Variants in BBX observed in about 807,000 individuals in gnomAD.
BBX encodes the protein BBX high mobility group box domain containing, also known as HMG box transcription factor BBX.
BBX carries 30 observed loss-of-function variants against 100.2 expected under a neutral mutation model. That is an observed-to-expected ratio of 0.30 (90% CI 0.22 to 0.41). BBX has a LOEUF of 0.41. Among genes scored for constraint, BBX ranks in the 10% least tolerant of loss-of-function variants. The pLI is 1.00. For synonymous variants in BBX, 376 were observed against 388.1 expected (o/e 0.97, Z 0.37); for missense variants, 1,023 against 1,129.8 (o/e 0.91, Z 1.35).
In BBX at chr3:107,684,169, T is replaced by C. The variant is rs142081461; in HGVS notation, c.-9-26283T>C. Among the ~76,000 whole-genome samples the C allele has an allele frequency of 1.6e-3, 244 of 152,282 alleles. 2 individuals carry two copies. In the Middle Eastern group the frequency reaches 0.024, roughly 15 times the overall value. On this transcript the variant is annotated intron_variant, in intron 3 of 17. Transcript: ENST00000325805. ...GTAAGAAACTATTTTTTAACAAATA[T>C]TATAATGTGGTTGCTATTTATCTTC...
intron 2 of BBX, among the ~76,000 whole-genome samples, chr3:107,557,213 C>G (rs2050150426): frequency 6.6e-6 from 1 of 152,118 alleles, no homozygotes; most frequent in Non-Finnish European, 1.5e-5. Context: ...GGAATATTTT[C>G]TCTTTTTCAT....
intron 17 of BBX, among the ~76,000 whole-genome samples, chr3:107,804,764 T>C (rs531702046): frequency 6.6e-6 from 1 of 152,174 alleles, no homozygotes; most frequent in South Asian, 2.1e-4. Context: ...CTAAACACTC[T>C]CTGTCCATGT....
intron 13 of BBX, among the ~76,000 whole-genome samples, chr3:107,779,183 T>C (rs1218307768): frequency 6.6e-6 from 1 of 151,532 alleles, no homozygotes; most frequent in African/African-American, 2.4e-5. Flanking sequence ...TCAGTGACAA[T>C]GCTGCAGTCC....
intron 2 of BBX, among the ~76,000 whole-genome samples, chr3:107,597,861 T>C (rs1045878234): frequency 6.6e-6 from 1 of 152,134 alleles, no homozygotes; most frequent in Non-Finnish European, 1.5e-5. Flanking sequence ...TTGTTTTGTT[T>C]TGTTTTTGGT....
intron 3 of BBX, among the ~76,000 whole-genome samples, chr3:107,652,320 A>T (rs575772543): frequency 9.2e-5 from 14 of 152,222 alleles, no homozygotes; most frequent in Non-Finnish European, 1.9e-4. Context: ...AAAAGGAAAC[A>T]AACCTTTTAG....
intron 3 of BBX, among the ~76,000 whole-genome samples, chr3:107,659,315 C>T (rs923433054): frequency 6.6e-6 from 1 of 151,844 alleles, no homozygotes; most frequent in Admixed American, 6.6e-5. Flanking sequence ...ATTTTTGATG[C>T]ATCTGAACAT....
intron 10 of BBX, among the ~76,000 whole-genome samples, chr3:107,762,219 G>T (rs865991021): frequency 6.6e-6 from 1 of 152,134 alleles, no homozygotes; most frequent in Non-Finnish European, 1.5e-5. Context: ...TTTAGTAGAT[G>T]GGCTTATGGA....
chr3:107,696,845 T>C (rs1261425205), intron 3 of BBX, among the ~76,000 whole-genome samples: 20 of 151,550 alleles, frequency 1.3e-4, no homozygotes, highest in African/African-American at 4.4e-4. Flanking sequence ...CAATCAGACA[T>C]AGATTTGGTC....
At chr3:107,665,625 T>TA (rs1352398884) in intron 3 of BBX, among the ~76,000 whole-genome samples, 2 of 152,152 alleles carry the variant, frequency 1.3e-5, no homozygotes, top group African/African-American at 2.4e-5. Context: ...TGTTCTAGTA[T>TA]AAAAAATGCC....
intron 9 of BBX, among the ~76,000 whole-genome samples, chr3:107,750,102 T>C (rs2064961328): frequency 6.6e-6 from 1 of 152,198 alleles, no homozygotes; most frequent in South Asian, 2.1e-4. Context: ...CTCCGTACAC[T>C]AATTCTTGAA....
intron 12 of BBX, among the ~76,000 whole-genome samples, chr3:107,777,552 T>C (rs1576760131): frequency 6.6e-6 from 1 of 152,178 alleles, no homozygotes; most frequent in South Asian, 2.1e-4. Context: ...CATGTTAGTT[T>C]AATAAGTCTC....
chr3:107,616,409 T>A (rs1219744730), intron 2 of BBX, among the ~76,000 whole-genome samples: 1 of 152,174 alleles, frequency 6.6e-6, no homozygotes, highest in Non-Finnish European at 1.5e-5. Flanking sequence ...CAGATTCTTA[T>A]AATAGGTGCA....
At chr3:107,610,167 A>C (rs1022089489) in intron 2 of BBX, among the ~76,000 whole-genome samples, 1 of 152,056 alleles carries the variant, frequency 6.6e-6, no homozygotes, top group African/African-American at 2.4e-5. Context: ...TTTAATTTCC[A>C]TGTGTTTAAG....
rs549529798 is a variant in BBX at position 107,696,698 on chromosome 3, G to A, written c.-9-13754G>A. ...ATCTTGGTGTTGCTCTTCTCGAGGA[G>A]TATCTTTGTGGCGTTCTCTGTATTT... On this transcript the variant is annotated intron_variant, in intron 3 of 17. Transcript: ENST00000325805. Among the ~76,000 whole-genome samples, 40 of 151,782 alleles carry A rather than the reference G, an allele frequency of 2.6e-4. 1 individual carries two copies. The highest frequency in any genetic ancestry group is 8.3e-4 in the African/African-American group (34 of 41,090).
intron 13 of BBX, among the ~76,000 whole-genome samples, chr3:107,780,031 G>T (rs925942298): frequency 1.3e-5 from 2 of 152,098 alleles, no homozygotes; most frequent in Admixed American, 1.3e-4. Context: ...ATAAAATAGG[G>T]TCGTATCAAG....
At chr3:107,557,287 A>G (rs2050154658) in intron 2 of BBX, among the ~76,000 whole-genome samples, 1 of 152,196 alleles carries the variant, frequency 6.6e-6, no homozygotes, top group Admixed American at 6.5e-5. Context: ...GGACAATGGC[A>G]TGATTATTCC....
intron 2 of BBX, among the ~76,000 whole-genome samples, chr3:107,556,786 T>A (rs1037312719): frequency 1.3e-5 from 2 of 152,218 alleles, no homozygotes; most frequent in African/African-American, 4.8e-5. Context: ...ACCCGGAAGC[T>A]AGAATCAGAG....
At chr3:107,539,747 T>G (rs551367948) in intron 2 of BBX, among the ~76,000 whole-genome samples, 1 of 152,212 alleles carries the variant, frequency 6.6e-6, no homozygotes, top group East Asian at 1.9e-4. Context: ...AAATTGAATA[T>G]AAATAAAAAT....
At chr3:107,532,566 C>T (rs1270812981) in intron 2 of BBX, among the ~76,000 whole-genome samples, 1 of 152,004 alleles carries the variant, frequency 6.6e-6, no homozygotes, top group African/African-American at 2.4e-5. Context: ...AAAAGAGGGG[C>T]AAGCTAAGGA....
Sources: allele counts gnomAD v4.1 joint callset (sites outside exome capture counted in the v4.1 genomes callset), GRCh38; gene constraint gnomAD v4.1.1; transcripts MANE v1.5; gene names NCBI Gene and HGNC (gene_info 2026-07-23, HGNC 2026-07-21).